Variants in NRF1 observed in about 807,000 individuals in gnomAD.
NRF1 encodes alpha palindromic-binding protein.
In NRF1, 5 loss-of-function variants were observed where a neutral mutation model predicts 58.5. The ratio of observed to expected loss-of-function variants is 0.09; its 90% CI spans 0.04 to 0.18. The LOEUF (loss-of-function observed/expected upper bound fraction) is 0.18, where lower values mean the gene tolerates loss of function less well. Among genes scored for constraint, NRF1 ranks in the 10% least tolerant of loss-of-function variants. The pLI is 1.00. For synonymous variants in NRF1, 224 were observed against 246.7 expected, an observed-to-expected ratio of 0.91 and a Z score of 0.86; for missense variants, 288 against 657.7, an observed-to-expected ratio of 0.44 and a Z score of 6.15.
intron 3 of NRF1, among the ~76,000 whole-genome samples, chr7:129,673,716 C>A (rs868851810): frequency 0.012 from 1,162 of 98,996 alleles, no homozygotes; most frequent in South Asian, 0.016. Context: ...GACTCCGTCT[C>A]AAAAAAAAAA....
At chr7:129,726,397 GTATT>G (rs749892957) in intron 9 of NRF1, among the ~76,000 whole-genome samples, 1 of 152,108 alleles carries the variant, frequency 6.6e-6, no homozygotes, top group Non-Finnish European at 1.5e-5. Context: ...AGAAAAATGG[GTATT>G]TATGCACATA....
At chr7:129,739,643 G>A (rs1052328300) in intron 10 of NRF1, among the ~76,000 whole-genome samples, 5 of 152,064 alleles carry the variant, frequency 3.3e-5, no homozygotes, top group Admixed American at 2.0e-4. Context: ...TTTATGCACT[G>A]CAGAGTCCAA....
intron 8 of NRF1, among the ~76,000 whole-genome samples, chr7:129,715,609 A>T (rs1803167472): frequency 6.6e-6 from 1 of 152,244 alleles, no homozygotes; most frequent in African/African-American, 2.4e-5. Flanking sequence ...ATAGACTCAC[A>T]TGTAATATAC....
At chr7:129,624,379 G>GAC in intron 1 of NRF1, among the ~76,000 whole-genome samples, 1 of 152,274 alleles carries the variant, frequency 6.6e-6, no homozygotes, top group East Asian at 1.9e-4. Context: ...CAGTGCCTGA[G>GAC]ACATAGCAAG....
intron 1 of NRF1, among the ~76,000 whole-genome samples, chr7:129,642,776 T>TTTTTTTTTTGAGACGG (rs1464724859): frequency 1.5e-5 from 2 of 137,058 alleles, no homozygotes; most frequent in Non-Finnish European, 3.1e-5. Context: ...TTTTTTTTTT[T>TTTTTTTTTTGAGACGG]AAATGAGATA....
intron 5 of NRF1, among the ~76,000 whole-genome samples, chr7:129,701,932 T>C (rs1441503039): frequency 6.6e-6 from 1 of 152,238 alleles, no homozygotes; most frequent in Non-Finnish European, 1.5e-5. Flanking sequence ...AGAAGATCTC[T>C]ATGACAAAAT....
intron 1 of NRF1, among the ~76,000 whole-genome samples, chr7:129,648,654 T>C (rs1801466899): frequency 6.6e-6 from 1 of 152,166 alleles, no homozygotes; most frequent in South Asian, 2.1e-4. Context: ...GATAGTTACA[T>C]TGTAATACTG....
chr7:129,731,851 G>A (rs1803587094), intron 10 of NRF1, among the ~76,000 whole-genome samples: 1 of 152,058 alleles, frequency 6.6e-6, no homozygotes, highest in Non-Finnish European at 1.5e-5. Flanking sequence ...GGCTCAAAAT[G>A]ATCCTCCCGC....
chr7:129,691,415 G>C (rs1338137526), intron 5 of NRF1, among the ~76,000 whole-genome samples: 1 of 150,112 alleles, frequency 6.7e-6, no homozygotes, highest in Non-Finnish European at 1.5e-5. Context: ...AGGCTGGAGG[G>C]CAGTGGTGTG....
intron 1 of NRF1, among the ~76,000 whole-genome samples, chr7:129,619,845 G>A (rs1446208783): frequency 6.6e-6 from 1 of 150,806 alleles, no homozygotes; most frequent in Non-Finnish European, 1.5e-5. Context: ...AGAGTTTTGA[G>A]GTTTTATGAT....
At chr7:129,651,739 ATCTT>A (rs897049897) in intron 1 of NRF1, among the ~76,000 whole-genome samples, 1 of 152,208 alleles carries the variant, frequency 6.6e-6, no homozygotes, top group African/African-American at 2.4e-5. Flanking sequence ...TTTTAATGGT[ATCTT>A]TCTCTCATAT....
intron 4 of NRF1, among the ~76,000 whole-genome samples, chr7:129,681,507 A>AT (rs1274812662): frequency 2.6e-5 from 4 of 152,222 alleles, no homozygotes; most frequent in African/African-American, 9.6e-5. Flanking sequence ...ACAAAGCCTA[A>AT]TTGTCAAGGC....
intron 8 of NRF1, among the ~76,000 whole-genome samples, chr7:129,713,838 G>T (rs1803130377): frequency 6.6e-6 from 1 of 152,192 alleles, no homozygotes. Flanking sequence ...ACTAGAGTGG[G>T]AACTAGCCAA....
chr7:129,663,743 G>A (rs887326915), intron 2 of NRF1, among the ~76,000 whole-genome samples: 5 of 152,204 alleles, frequency 3.3e-5, no homozygotes, highest in Non-Finnish European at 7.3e-5. Context: ...GGCAGAGGCT[G>A]TAATCTTAGC....
Position 129,756,115 on chromosome 7 carries a change from G to A in NRF1, c.*934G>A, listed in dbSNP as rs575102817. The stretch of plus-strand genomic sequence containing the variant: ...GTGCTTGTGTGTGTGCGTGCATGGT[G>A]GGGGAGAGGATGGGAAGGGGGCGGG... On this transcript the variant is annotated 3_prime_UTR_variant, in exon 11 of 11. Coordinates refer to ENST00000393232, the MANE Select transcript of NRF1 (RefSeq NM_005011.5). 1.3e-5 allele frequency: 2 copies of A among 153,014 alleles called. No homozygotes were observed. Among genetic ancestry groups the A allele is most frequent in the South Asian group, 2.1e-4 (1 of 4,832 alleles). 9.5% of individuals were successfully genotyped at this position (153,014 alleles called of 1,614,324 possible).
chr7:129,622,099 A>G (rs554525842), intron 1 of NRF1, among the ~76,000 whole-genome samples: 1 of 152,142 alleles, frequency 6.6e-6, no homozygotes, highest in South Asian at 2.1e-4. Flanking sequence ...TTTATAGTGA[A>G]AAATTTAGAA....
chr7:129,627,963 CAA>C (rs1800956586), intron 1 of NRF1, among the ~76,000 whole-genome samples: 1 of 151,210 alleles, frequency 6.6e-6, no homozygotes, highest in Non-Finnish European at 1.5e-5. Flanking sequence ...AGGACTCTGG[CAA>C]TCATCACATT....
intron 1 of NRF1, among the ~76,000 whole-genome samples, chr7:129,618,115 A>G (rs1465322491): frequency 6.6e-6 from 1 of 152,186 alleles, no homozygotes; most frequent in Non-Finnish European, 1.5e-5. Flanking sequence ...GTAAAAGGAC[A>G]TCGATTCTGG....
At chr7:129,672,313 C>T (rs1802066414) in intron 3 of NRF1, among the ~76,000 whole-genome samples, 1 of 149,372 alleles carries the variant, frequency 6.7e-6, no homozygotes, top group Admixed American at 6.8e-5. Flanking sequence ...GCTGGGATTA[C>T]AGGTGTGGGT....
Sources: gnomAD v4.1 joint callset for allele counts (sites outside exome capture counted in the v4.1 genomes callset) on GRCh38, gnomAD v4.1.1 for gene constraint, MANE v1.5 for transcripts, NCBI Gene and HGNC (gene_info 2026-07-23, HGNC 2026-07-21) for gene names.